Variants in AMPH observed in about 807,000 individuals in gnomAD.
The protein encoded by AMPH is amphiphysin.
AMPH carries 49 observed loss-of-function variants against 99.1 expected under a neutral mutation model. The ratio of observed to expected loss-of-function variants is 0.49; its 90% CI spans 0.39 to 0.63. AMPH has a LOEUF of 0.63. AMPH is among the 20% of genes least tolerant of loss of function. The pLI, the probability that AMPH is intolerant of heterozygous loss-of-function variation, is 0.00. For missense variants in AMPH, 759 were observed against 863.4 expected (o/e 0.88, Z 1.52); for synonymous variants, 314 against 317.3 (o/e 0.99, Z 0.11).
chr7:38,448,254 T>C (rs1456909688), intron 11 of AMPH, among the ~76,000 whole-genome samples: 1 of 152,240 alleles, frequency 6.6e-6, no homozygotes, highest in African/African-American at 2.4e-5. Flanking sequence ...AAGTGCTTTA[T>C]ATTGCAGTCT....
At chr7:38,555,463 A>G (rs1174683181) in intron 1 of AMPH, among the ~76,000 whole-genome samples, 1 of 152,178 alleles carries the variant, frequency 6.6e-6, no homozygotes, top group East Asian at 1.9e-4. Context: ...TGATGAATTC[A>G]TAGTCCCCTC....
intron 2 of AMPH, among the ~76,000 whole-genome samples, chr7:38,534,098 C>T (rs983401428): frequency 2.6e-5 from 4 of 151,950 alleles, no homozygotes. Flanking sequence ...GAATTACACC[C>T]CCTGTAAAAT....
At chr7:38,517,838 T>C (rs1040739131) in intron 2 of AMPH, among the ~76,000 whole-genome samples, 27 of 152,336 alleles carry the variant, frequency 1.8e-4, no homozygotes, top group African/African-American at 6.3e-4. Flanking sequence ...GATCCTTTGT[T>C]AAAGAGATTA....
In AMPH at chr7:38,450,638, C is replaced by T. The variant is rs189728554; in HGVS notation, c.1017+10645G>A. 2.6e-5 allele frequency among the ~76,000 whole-genome samples: 4 copies of T among 152,276 alleles called. No homozygotes were observed. In the East Asian group the frequency reaches 5.8e-4, roughly 22 times the overall value. ...AGGTGTTGTGAGCATGAAGATGGGG[C>T]CTGTTTCCAGGAGGGTGAGTGGTAA... On this transcript the variant is annotated intron_variant, in intron 11 of 20. Coordinates refer to ENST00000356264, the MANE Select transcript of AMPH (RefSeq NM_001635.4).
Position 38,558,981 on chromosome 7 carries a change from G to A in AMPH, c.70-23970C>T, listed in dbSNP as rs115268428. Among the ~76,000 whole-genome samples the A allele has an allele frequency of 2.5e-3, 377 of 152,316 alleles. 4 individuals are homozygous for A. Among genetic ancestry groups the A allele is most frequent in the African/African-American group, 8.5e-3 (355 of 41,570 alleles). ...AGCAACATACCAAACAGGAAACAGT[G>A]AGACATAAGGAAATTTATATATAGA... On this transcript the variant is annotated intron_variant, in intron 1 of 20. Transcript: ENST00000356264.
At chr7:38,459,789 T>A (rs1224207861) in intron 11 of AMPH, among the ~76,000 whole-genome samples, 1 of 151,636 alleles carries the variant, frequency 6.6e-6, no homozygotes, top group African/African-American at 2.4e-5. Context: ...TTAAGGAAAA[T>A]TGCATGGGTA....
intron 1 of AMPH, among the ~76,000 whole-genome samples, chr7:38,600,073 C>T (rs975893976): frequency 1.1e-4 from 16 of 151,954 alleles, no homozygotes; most frequent in African/African-American, 9.7e-5. Flanking sequence ...ATTCAGTCCT[C>T]GCCAAGAGGT....
At chr7:38,429,937 G>C in intron 13 of AMPH, 72 bp from the exon 14 acceptor site, 1 of 1,397,000 alleles carries the variant, frequency 7.2e-7, no homozygotes, top group South Asian at 1.3e-5. Context: ...ATCCTATGCT[G>C]TCTAGAGTCA....
chr7:38,566,958 A>G (rs1791767235), intron 1 of AMPH, among the ~76,000 whole-genome samples: 1 of 152,224 alleles, frequency 6.6e-6, no homozygotes, highest in Non-Finnish European at 1.5e-5. Flanking sequence ...AAATTAGTTC[A>G]GCCATTGTGG....
At position 38,407,048 on chromosome 7, in the gene AMPH, CTATATA is replaced by C. The variant is rs1200407336; in HGVS notation, c.1398+10771_1398+10776del. Reference sequence around the variant, plus strand: ...TCTCTCTCTCTCTCTCTCTCTCTCTCTATATATATATATATATATATATATATATGT... The same window carrying C: ...TCTCTCTCTCTCTCTCTCTCTCTCTCTATATATATATATATATATATATGT... On this transcript the variant is annotated intron_variant, in intron 17 of 20. Coordinates refer to ENST00000356264, the MANE Select transcript of AMPH (RefSeq NM_001635.4). 2.2e-4 allele frequency among the ~76,000 whole-genome samples: 7 copies of C among 31,266 alleles called. No homozygotes were observed. In the East Asian group the frequency reaches 3.2e-3, roughly 14 times the overall value. The allele number at this position is 31,266 out of a possible 152,430, so 20.5% of individuals were successfully genotyped here.
At chr7:38,504,635 C>A (rs908805344) in intron 2 of AMPH, among the ~76,000 whole-genome samples, 1 of 152,152 alleles carries the variant, frequency 6.6e-6, no homozygotes, top group Non-Finnish European at 1.5e-5. Context: ...GAAGCTGAGG[C>A]GTTTATCCAA....
At chr7:38,413,711 T>C (rs1017629302) in intron 17 of AMPH, among the ~76,000 whole-genome samples, 2 of 152,304 alleles carry the variant, frequency 1.3e-5, no homozygotes, top group African/African-American at 4.8e-5. Context: ...AAAATCCATA[T>C]GTATGTTTCT....
intron 1 of AMPH, among the ~76,000 whole-genome samples, chr7:38,561,902 C>G (rs1791561861): frequency 6.6e-6 from 1 of 150,584 alleles, no homozygotes; most frequent in Admixed American, 6.6e-5. Context: ...AATCTCCTGG[C>G]ACCTTGATCT....
At chr7:38,426,255 C>A (rs747674513) in intron 15 of AMPH, among the ~76,000 whole-genome samples, 1 of 152,212 alleles carries the variant, frequency 6.6e-6, no homozygotes, top group Admixed American at 6.5e-5. Context: ...GTTGTCAGAA[C>A]TGATCCAGGA....
chr7:38,491,873 T>C (rs951609569), intron 4 of AMPH, among the ~76,000 whole-genome samples: 1 of 152,172 alleles, frequency 6.6e-6, no homozygotes, highest in African/African-American at 2.4e-5. Flanking sequence ...AGTCAGGAAA[T>C]GACTATCACA....
rs191769614 is a variant in AMPH at position 38,426,225 on chromosome 7, C to A, written c.1215+729G>T. Among the ~76,000 whole-genome samples, 386 of 152,332 alleles carry A rather than the reference C, an allele frequency of 2.5e-3. 2 individuals carry two copies. Among genetic ancestry groups the A allele is most frequent in the African/African-American group, 8.8e-3 (365 of 41,578 alleles). Reference sequence around the variant, plus strand: ...AAGCAGGCATCACAGACAAGCCTGTCTGAGGTCTCCATTGAAGAGGTTGTC... The same window carrying A: ...AAGCAGGCATCACAGACAAGCCTGTATGAGGTCTCCATTGAAGAGGTTGTC... On this transcript the variant is annotated intron_variant, in intron 15 of 20. Coordinates refer to ENST00000356264, the MANE Select transcript of AMPH (RefSeq NM_001635.4).
chr7:38,440,337 T>G (rs1786456094), intron 11 of AMPH, among the ~76,000 whole-genome samples: 3 of 152,128 alleles, frequency 2.0e-5, no homozygotes, highest in African/African-American at 2.4e-5. Flanking sequence ...CTTTCTAAAA[T>G]AAAAATTCAA....
intron 18 of AMPH, among the ~76,000 whole-genome samples, chr7:38,393,551 T>C (rs1393079886): frequency 6.6e-6 from 1 of 152,214 alleles, no homozygotes; most frequent in Non-Finnish European, 1.5e-5. Flanking sequence ...TGGTGGGCTC[T>C]TGGTAAAAGG....
intron 1 of AMPH, among the ~76,000 whole-genome samples, chr7:38,572,573 T>C (rs7792397): frequency 5.8e-4 from 89 of 152,222 alleles, no homozygotes; most frequent in African/African-American, 2.0e-3. Flanking sequence ...TGTTCCCATA[T>C]CTGAGCTGAA....
Sources: gnomAD v4.1 joint callset for allele counts (sites outside exome capture counted in the v4.1 genomes callset) on GRCh38, gnomAD v4.1.1 for gene constraint, MANE v1.5 for transcripts, NCBI Gene and HGNC (gene_info 2026-07-23, HGNC 2026-07-21) for gene names.